CDK15: variants seen among roughly 807,000 people sequenced by gnomAD.
The protein encoded by CDK15 is cyclin dependent kinase 15.
In CDK15, 62 loss-of-function variants were observed where a neutral mutation model predicts 60.3. That is an observed-to-expected ratio of 1.03 (90% confidence interval 0.84 to 1.27). The LOEUF (loss-of-function observed/expected upper bound fraction) is 1.27. Ranked by LOEUF, CDK15 falls within the 50% of genes most tolerant of loss-of-function variation. The pLI is 0.00. For missense variants in CDK15, 541 were observed against 527.8 expected, an observed-to-expected ratio of 1.03 and a Z score of -0.25; for synonymous variants, 194 against 195.7, an observed-to-expected ratio of 0.99 and a Z score of 0.07.
chr2:201,811,237 G>A (rs1477376493), intron 3 of CDK15, among the ~76,000 whole-genome samples: 5 of 150,596 alleles, frequency 3.3e-5, no homozygotes, highest in Non-Finnish European at 4.4e-5. Context: ...TGCAAGCTCC[G>A]CCTCCCAGGT....
chr2:201,857,232 C>CAAAAA (rs567723960), intron 10 of CDK15, among the ~76,000 whole-genome samples: 225 of 1,424 alleles, frequency 0.16, 97 homozygotes, highest in Non-Finnish European at 0.23. Context: ...GACTCCGTCT[C>CAAAAA]AAAAAAAAAA....
chr2:201,885,878 T>C (rs1699434667), intron 12 of CDK15, among the ~76,000 whole-genome samples: 1 of 152,238 alleles, frequency 6.6e-6, no homozygotes, highest in African/African-American at 2.4e-5. Context: ...TTGGTGAGGC[T>C]GGAATTGTTA....
At chr2:201,826,998 C>T (rs1696537454) in intron 6 of CDK15, among the ~76,000 whole-genome samples, 1 of 152,208 alleles carries the variant, frequency 6.6e-6, no homozygotes, top group Non-Finnish European at 1.5e-5. Flanking sequence ...TATGCCATTG[C>T]TAAAAGTGAT....
intron 4 of CDK15, among the ~76,000 whole-genome samples, chr2:201,814,503 T>A (rs565825045): frequency 7.2e-5 from 11 of 152,304 alleles, no homozygotes; most frequent in African/African-American, 2.6e-4. Context: ...CCCTCTCCCC[T>A]CAAGAAGATA....
Position 201,847,460 on chromosome 2 carries a change from G to A in CDK15, c.931G>A (p.Glu311Lys). 6.2e-7 allele frequency: 1 copy of A among 1,613,884 alleles called. No individual in the cohort carries two copies. Among genetic ancestry groups the A allele is most frequent in the Non-Finnish European group, 8.5e-7 (1 of 1,179,866 alleles). ...PGVSNILEQL[E>K]KIWEVLGVPT... ...GGTTTCCAACATCCTTGAACAGCTGGAGAAAATCTGGGAGGTAGGAGAATA... is the reference window on the plus strand; with the variant it reads ...GGTTTCCAACATCCTTGAACAGCTGAAGAAAATCTGGGAGGTAGGAGAATA... The change falls in exon 9 of 14, where the codon GAG (glutamate) becomes AAG (lysine). Residue 311 changes from glutamate (E) to lysine (K), a missense_variant. Glu to Lys is a moderately conservative substitution (Grantham distance 56). Coordinates refer to ENST00000652192, the MANE Select transcript of CDK15 (RefSeq NM_001366386.2).
intron 10 of CDK15, among the ~76,000 whole-genome samples, chr2:201,871,819 A>G (rs1423615640): frequency 1.3e-5 from 2 of 151,734 alleles, no homozygotes; most frequent in Admixed American, 6.6e-5. Flanking sequence ...GTGAGGGAGA[A>G]TTTGTCCCAG....
chr2:201,861,322 T>G, intron 10 of CDK15: 1 of 988,870 alleles, frequency 1.0e-6, no homozygotes, highest in Non-Finnish European at 1.2e-6. Context: ...ATTCTACAGA[T>G]GAGGAAACAG....
At position 201,857,095 on chromosome 2, in the gene CDK15, G is replaced by A. The variant is rs1698173557; in HGVS notation, c.1009+2158G>A. ...AAAAAAATTAGCCGGGCGCGGTGGCGGGCGCCTGTAGTCCCAGCTACTCGG... is the reference window on the plus strand; with the variant it reads ...AAAAAAATTAGCCGGGCGCGGTGGCAGGCGCCTGTAGTCCCAGCTACTCGG... On this transcript the variant is annotated intron_variant, in intron 10 of 13. Coordinates refer to ENST00000652192, the MANE Select transcript of CDK15 (RefSeq NM_001366386.2). 2.5e-5 allele frequency among the ~76,000 whole-genome samples: 2 copies of A among 80,772 alleles called. 1 individual carries two copies. Among genetic ancestry groups the A allele is most frequent in the East Asian group, 5.1e-4 (2 of 3,916 alleles). The allele number at this position is 80,772 out of a possible 152,430, so 53.0% of individuals were successfully genotyped here. A position where few individuals can be genotyped will look rare whatever the true frequency, so the allele number is the denominator to read the frequency against.
chr2:201,846,823 T>C (rs1265863281), intron 8 of CDK15, among the ~76,000 whole-genome samples: 1 of 152,208 alleles, frequency 6.6e-6, no homozygotes, highest in Non-Finnish European at 1.5e-5. Flanking sequence ...AAATGCTGAA[T>C]GTGAAAAAGT....
rs373766977 is a variant in CDK15, at chr2:201,823,719, A to T, written c.598A>T (p.Asn200Tyr). The T allele has an allele frequency of 7.4e-6, 12 of 1,613,526 alleles. No individual in the cohort carries two copies. Among genetic ancestry groups the T allele is most frequent in the Non-Finnish European group, 1.0e-5 (12 of 1,179,738 alleles). ...SQHPGGLHPH[N>Y]VRLFMFQLLR... ...GCATCCAGGAGGGCTTCATCCTCAT[A>T]ATGTCAGAGTGAGTACGTTAAGGGT... Residue 200 changes from asparagine to tyrosine, a missense_variant, in exon 6 of 14, where the codon AAT becomes TAT. Transcript: ENST00000652192.
chr2:201,859,666 T>G (rs1698302988), intron 10 of CDK15, among the ~76,000 whole-genome samples: 1 of 152,114 alleles, frequency 6.6e-6, no homozygotes, highest in Non-Finnish European at 1.5e-5. Context: ...TAGAACAAAT[T>G]AAGAGAAAGT....
At chr2:201,818,687 C>T (rs190904840) in intron 4 of CDK15, among the ~76,000 whole-genome samples, 7 of 152,282 alleles carry the variant, frequency 4.6e-5, no homozygotes, top group Admixed American at 2.6e-4. Context: ...ATTCATTATT[C>T]GGCAACATTC....
intron 9 of CDK15, among the ~76,000 whole-genome samples, chr2:201,849,579 G>A (rs1235686500): frequency 6.6e-6 from 1 of 152,092 alleles, no homozygotes; most frequent in Non-Finnish European, 1.5e-5. Flanking sequence ...AAAAACACAT[G>A]ATCTGTATTT....
At chr2:201,855,788 T>C (rs1336043524) in intron 10 of CDK15, among the ~76,000 whole-genome samples, 1 of 152,012 alleles carries the variant, frequency 6.6e-6, no homozygotes, top group Admixed American at 6.6e-5. Flanking sequence ...ATTGTTCCAT[T>C]ACTAAAAATG....
At position 201,885,816 on chromosome 2, in the gene CDK15, C is replaced by A. The variant is rs1042431684; in HGVS notation, c.1199-4969C>A. The stretch of plus-strand genomic sequence containing the variant: ...GCCCAGGGAAGAATAATCGTACCTG[C>A]CTTTTATTGGACATCTATATGCTTT... On this transcript the variant is annotated intron_variant, in intron 12 of 13. Coordinates refer to ENST00000652192, the MANE Select transcript of CDK15 (RefSeq NM_001366386.2). Among the ~76,000 whole-genome samples, 4 of 152,092 alleles carry A rather than the reference C, an allele frequency of 2.6e-5. No homozygotes were observed. In the South Asian group the frequency reaches 8.3e-4, roughly 32 times the overall value.
intron 6 of CDK15, among the ~76,000 whole-genome samples, chr2:201,829,585 C>T (rs891181910): frequency 6.6e-6 from 1 of 151,938 alleles, no homozygotes; most frequent in African/African-American, 2.4e-5. Context: ...GATGTACAGG[C>T]GAGCTCCAGA....
chr2:201,892,313 C>G (rs562727051), intron 13 of CDK15, among the ~76,000 whole-genome samples: 1 of 152,212 alleles, frequency 6.6e-6, no homozygotes, highest in Admixed American at 6.5e-5. Context: ...AGTGGAGGGC[C>G]TTACCCTTCA....
chr2:201,807,334 T>C (rs1207704346), intron 1 of CDK15, among the ~76,000 whole-genome samples, 160 bp from the exon 2 acceptor site: 2 of 152,198 alleles, frequency 1.3e-5, no homozygotes, highest in African/African-American at 4.8e-5. Flanking sequence ...CATTATGGTC[T>C]TTTTCAGGGA....
chr2:201,881,745 C>G (rs147437133), intron 12 of CDK15, among the ~76,000 whole-genome samples: 699 of 152,260 alleles, frequency 4.6e-3, no homozygotes, highest in African/African-American at 0.016. Flanking sequence ...CCTCTGCCCC[C>G]ACTTCAGCCC....
Sources: allele counts gnomAD v4.1 joint callset (sites outside exome capture counted in the v4.1 genomes callset), GRCh38; gene constraint gnomAD v4.1.1; transcripts MANE v1.5; gene names NCBI Gene and HGNC (gene_info 2026-07-23, HGNC 2026-07-21).